The following KIAA1328 variants were observed in gnomAD, a reference collection of about 807,000 sequenced individuals.
KIAA1328 encodes protein hinderin.
In KIAA1328, 52 loss-of-function variants were observed where a neutral mutation model predicts 68.1. That is an observed-to-expected ratio of 0.76 (90% CI 0.61 to 0.96). The LOEUF is 0.96. Among genes scored for constraint, KIAA1328 ranks in the 40% least tolerant of loss-of-function variants. The pLI is 0.00. For missense variants in KIAA1328, 641 were observed against 677.6 expected, an observed-to-expected ratio of 0.95 and a Z score of 0.60; for synonymous variants, 232 against 239.4, an observed-to-expected ratio of 0.97 and a Z score of 0.28.
intron 9 of KIAA1328, among the ~76,000 whole-genome samples, chr18:37,181,236 C>T (rs755982741): frequency 4.0e-5 from 6 of 151,630 alleles, no homozygotes; most frequent in African/African-American, 7.3e-5. Context: ...TATAGTAAAA[C>T]GGACTAATCT....
chr18:37,025,636 C>A (rs962523716), intron 6 of KIAA1328, among the ~76,000 whole-genome samples: 2 of 152,090 alleles, frequency 1.3e-5, no homozygotes, highest in East Asian at 1.9e-4. Context: ...GGGTACATAA[C>A]GAAATGAAGG....
At chr18:36,856,727 A>C (rs542940061) in intron 4 of KIAA1328, among the ~76,000 whole-genome samples, 5 of 152,094 alleles carry the variant, frequency 3.3e-5, no homozygotes, top group African/African-American at 9.6e-5. Flanking sequence ...AAAAATTCTT[A>C]TTTCTTTCTA....
At chr18:37,151,530 A>G (rs753314093) in intron 7 of KIAA1328, among the ~76,000 whole-genome samples, 1 of 152,192 alleles carries the variant, frequency 6.6e-6, no homozygotes, top group African/African-American at 2.4e-5. Context: ...TTAGGTATGT[A>G]AATTAAAGTT....
At chr18:36,991,327 T>C (rs1242091317) in intron 6 of KIAA1328, among the ~76,000 whole-genome samples, 2 of 152,218 alleles carry the variant, frequency 1.3e-5, no homozygotes, top group Admixed American at 6.5e-5. Flanking sequence ...AGACTCTGGC[T>C]TGTATTACTT....
chr18:37,217,536 A>C (rs1322032312), intron 9 of KIAA1328, among the ~76,000 whole-genome samples: 4 of 152,184 alleles, frequency 2.6e-5, no homozygotes, highest in South Asian at 4.1e-4. Flanking sequence ...CCGAGAGATC[A>C]GCTGTTAGTC....
chr18:37,129,314 C>T (rs1018027798), intron 7 of KIAA1328, among the ~76,000 whole-genome samples: 4 of 151,718 alleles, frequency 2.6e-5, no homozygotes, highest in Non-Finnish European at 5.9e-5. Flanking sequence ...GAAAAAAAAA[C>T]CACGTGAAAA....
At chr18:37,039,960 G>T (rs577952446) in intron 6 of KIAA1328, among the ~76,000 whole-genome samples, 1 of 152,232 alleles carries the variant, frequency 6.6e-6, no homozygotes, top group South Asian at 2.1e-4. Flanking sequence ...TAGGGCTGAG[G>T]TCTGCTTTTC....
At chr18:36,857,529 G>A (rs1040268865) in intron 4 of KIAA1328, among the ~76,000 whole-genome samples, 7 of 152,160 alleles carry the variant, frequency 4.6e-5, no homozygotes, top group Non-Finnish European at 7.3e-5. Flanking sequence ...TCATCCTGGC[G>A]GCCGCCATTG....
rs558931865 is a variant in KIAA1328, at chr18:37,040,680, G to C, written c.577-26210G>C. ...CTTAAATCTTTTTTTTTCCTTTTCT[G>C]ATATAGATGTTTAAAGCTATAAATC... On this transcript the variant is annotated intron_variant, in intron 6 of 9. Transcript: ENST00000280020. Among the ~76,000 whole-genome samples the C allele has an allele frequency of 1.5e-4, 23 of 150,536 alleles. No homozygotes were observed. The South Asian group carries it at 3.4e-3, about 22-fold the overall frequency.
chr18:37,231,183 T>C (rs1287344111), downstream of KIAA1328: 2 of 152,168 alleles, frequency 1.3e-5, no homozygotes, highest in East Asian at 3.9e-4. Flanking sequence ...TGTCCCATAT[T>C]GCTCTGTGCA....
chr18:37,201,005 C>G (rs2060103229), intron 9 of KIAA1328, among the ~76,000 whole-genome samples: 2 of 152,058 alleles, frequency 1.3e-5, no homozygotes, highest in Non-Finnish European at 2.9e-5. Context: ...TGATTAGTCC[C>G]ATCCCAAGTC....
In KIAA1328 at chr18:36,885,810, C is replaced by T. The variant is rs1345179128; in HGVS notation, c.448+138C>T. Reference sequence around the variant, plus strand: ...TCAGTTCACCGCAACCTCCACCTCCCGGTTCAAGCGATTCTCCTACCTCAG... The same window carrying T: ...TCAGTTCACCGCAACCTCCACCTCCTGGTTCAAGCGATTCTCCTACCTCAG... On this transcript the variant is annotated intron_variant, in intron 5 of 9. Coordinates refer to ENST00000280020, the MANE Select transcript of KIAA1328 (RefSeq NM_020776.3). The T allele has an allele frequency of 7.7e-5, 43 of 559,700 alleles. No individual in the cohort carries two copies. In the Admixed American group the frequency reaches 1.2e-3, roughly 16 times the overall value. The allele number at this position is 559,700 out of a possible 1,614,324, so 34.7% of individuals were successfully genotyped here. A position where few individuals can be genotyped will look rare whatever the true frequency, so the allele number is the denominator to read the frequency against.
intron 7 of KIAA1328, among the ~76,000 whole-genome samples, chr18:37,157,944 A>G (rs529760956): frequency 1.3e-5 from 2 of 152,238 alleles, no homozygotes; most frequent in African/African-American, 2.4e-5. Flanking sequence ...ACTATTACAA[A>G]TAATTCTCCA....
chr18:37,057,996 TAA>T (rs1295820274), intron 6 of KIAA1328, among the ~76,000 whole-genome samples: 1 of 152,098 alleles, frequency 6.6e-6, no homozygotes, highest in South Asian at 2.1e-4. Flanking sequence ...TAGTCATAGG[TAA>T]AGAGAGGCAG....
chr18:37,042,965 T>C (rs1194934810), intron 6 of KIAA1328, among the ~76,000 whole-genome samples: 1 of 152,152 alleles, frequency 6.6e-6, no homozygotes, highest in Non-Finnish European at 1.5e-5. Flanking sequence ...ATAATCTCTA[T>C]TAATCTGTTT....
chr18:36,885,713 T>C (rs1601141361), intron 5 of KIAA1328, 41 bp downstream of exon 5: 1 of 1,321,262 alleles, frequency 7.6e-7, no homozygotes. Flanking sequence ...TTCAAGAAGT[T>C]TGACTATTTC....
intron 7 of KIAA1328, among the ~76,000 whole-genome samples, chr18:37,119,046 A>G (rs1356163868): frequency 6.6e-6 from 1 of 152,162 alleles, no homozygotes; most frequent in Non-Finnish European, 1.5e-5. Flanking sequence ...GTCAATTACC[A>G]TATTTCATTT....
intron 7 of KIAA1328, among the ~76,000 whole-genome samples, chr18:37,115,248 C>T (rs528996490): frequency 3.0e-4 from 46 of 152,238 alleles, no homozygotes; most frequent in African/African-American, 9.6e-4. Context: ...TGAAGAACAT[C>T]GATGCAAAAA....
chr18:36,921,586 A>G (rs982606209), intron 5 of KIAA1328, among the ~76,000 whole-genome samples: 1 of 151,944 alleles, frequency 6.6e-6, no homozygotes, highest in African/African-American at 2.4e-5. Flanking sequence ...TTGTATTTTT[A>G]GTAGAGACGG....
Sources: gnomAD v4.1 joint callset for allele counts (sites outside exome capture counted in the v4.1 genomes callset) on GRCh38, gnomAD v4.1.1 for gene constraint, MANE v1.5 for transcripts, NCBI Gene and HGNC (gene_info 2026-07-23, HGNC 2026-07-21) for gene names.